Variants in ADAMTSL5 observed in about 807,000 individuals in gnomAD.
ADAMTSL5 encodes the protein ADAMTS-like protein 5.
Under a neutral mutation model 51.7 loss-of-function variants are expected in ADAMTSL5, and 53 were observed. The ratio of observed to expected loss-of-function variants is 1.03; its 90% CI spans 0.82 to 1.29. The LOEUF is 1.29. ADAMTSL5 is among the 50% of genes most tolerant of loss of function. The probability of loss-of-function intolerance (pLI) is 0.00; values close to 1 mark genes in which losing one functional copy is unlikely to be tolerated. For synonymous variants in ADAMTSL5, 285 were observed against 278.7 expected (o/e 1.02, Z -0.23); for missense variants, 770 against 676.2 (o/e 1.14, Z -1.54).
rs771422028 is a variant in ADAMTSL5 at position 1,506,371 on chromosome 19, C to T, written c.1115-55G>A. 4.4e-4 allele frequency: 669 copies of T among 1,526,576 alleles called. No homozygotes were observed. The highest frequency in any genetic ancestry group is 5.6e-4 in the Non-Finnish European group (637 of 1,135,540). The allele number at this position is 1,526,576 out of a possible 1,614,324, so 94.6% of individuals were successfully genotyped here. On this transcript the variant is annotated intron_variant, in intron 11 of 11. Transcript: ENST00000330475. This position sits in a 1 kb window ranked among gnomAD's most constrained non-coding sequence, Gnocchi z 5.6. ...CTGCTCAACTCTGCGCAAATCTCTA[C>T]GCCCCCTCCCTTGCCAGAAGAGGGA...
In ADAMTSL5 at chr19:1,508,108, C is replaced by T. The variant is rs750641685; in HGVS notation, c.491G>A (p.Ser164Asn). The T allele has an allele frequency of 2.5e-6, 4 of 1,607,912 alleles. No individual in the cohort carries two copies. The highest frequency in any genetic ancestry group is 1.7e-5 in the Admixed American group (1 of 59,396). The change falls in exon 7 of 12, where the codon AGC (serine) becomes AAC (asparagine). Residue 164 changes from serine (S) to asparagine (N), a missense_variant and splice_region_variant. Ser to Asn is a conservative substitution (Grantham distance 46). Coordinates refer to ENST00000330475, the MANE Select transcript of ADAMTSL5 (RefSeq NM_213604.3). ...QGVCVAGRCLSAGCDGLLGSG... is the reference protein window; with the variant it reads ...QGVCVAGRCLNAGCDGLLGSG... ...GCCCAACAACCCATCACAGCCGGCG[C>T]TCTAAAGGGTGAAGGACAGGCGCGG...
At chr19:1,507,514 C>T (rs765502867) in intron 8 of ADAMTSL5, 43 bp downstream of exon 8, 14 of 1,608,398 alleles carry the variant, frequency 8.7e-6, no homozygotes, top group Admixed American at 5.0e-5. Context: ...CAACCGCCCC[C>T]GGGTGCCCAG....
intron 8 of ADAMTSL5, 64 bp from the exon 9 acceptor site, chr19:1,507,469 C>T (rs955334146): frequency 6.2e-7 from 1 of 1,609,518 alleles, no homozygotes; most frequent in Non-Finnish European, 8.5e-7. Flanking sequence ...GGGGTCCCCT[C>T]CTCAGGCCTC....
rs774118858 is a variant in ADAMTSL5, at chr19:1,508,072, A to G, written c.527T>C (p.Leu176Pro). ...TCCGCAGCGGCCACAGCGGTCCTCGAGGGCACCCGAGCCCAACAACCCATC... is the reference window on the plus strand; with the variant it reads ...TCCGCAGCGGCCACAGCGGTCCTCGGGGGCACCCGAGCCCAACAACCCATC... ...GCDGLLGSGA[L>P]EDRCGRCGGA... is the part of the protein sequence containing the mutation. The change falls in exon 7 of 12, where the codon CTC becomes CCC. Residue 176 changes from leucine (L) to proline (P), a missense_variant. Coordinates refer to ENST00000330475, the MANE Select transcript of ADAMTSL5 (RefSeq NM_213604.3). The G allele has an allele frequency of 1.5e-5, 24 of 1,610,558 alleles. No homozygotes were observed. The East Asian group carries it at 5.4e-4, about 36-fold the overall frequency.
Position 1,510,836 on chromosome 19 carries a change from C to T in ADAMTSL5, c.99+9G>A, listed in dbSNP as rs757353472. 9 of 1,541,654 alleles carry T rather than the reference C, an allele frequency of 5.8e-6. No homozygotes were observed. The highest frequency in any genetic ancestry group is 7.8e-6 in the Non-Finnish European group (9 of 1,150,458). Reference sequence around the variant, plus strand: ...ACTCGCCACCCCCTGGGCTCATGCCCCCCCTTACCTGAGCACTGACCCCCA... The same window carrying T: ...ACTCGCCACCCCCTGGGCTCATGCCTCCCCTTACCTGAGCACTGACCCCCA... On this transcript the variant is annotated intron_variant, in intron 2 of 11. Coordinates refer to ENST00000330475, the MANE Select transcript of ADAMTSL5 (RefSeq NM_213604.3).
chr19:1,507,954 G>A (rs987311370), intron 7 of ADAMTSL5, 44 bp downstream of exon 7: 4 of 1,537,004 alleles, frequency 2.6e-6, no homozygotes, highest in Non-Finnish European at 3.5e-6. Context: ...TCGTTAAAGG[G>A]CCCACTCTGA....
At chr19:1,510,817 C>T (rs1913227624) in intron 2 of ADAMTSL5, 28 bp downstream of exon 2, 1 of 1,514,530 alleles carries the variant, frequency 6.6e-7, no homozygotes, top group Non-Finnish European at 8.8e-7. Context: ...TCCCACTCGC[C>T]ACCCCCTGGG....
intron 2 of ADAMTSL5, 39 bp from the exon 3 acceptor site, chr19:1,510,769 G>T: frequency 6.6e-7 from 1 of 1,520,346 alleles, no homozygotes; most frequent in Non-Finnish European, 8.8e-7. Flanking sequence ...CCTTGTAGGG[G>T]GACGCTGGTG....
At position 1,506,535 on chromosome 19, in the gene ADAMTSL5, CAGG is replaced by C. The variant is rs906911601; in HGVS notation, c.1114+52_1114+54del. 41 of 1,575,678 alleles carry C rather than the reference CAGG, an allele frequency of 2.6e-5. No individual in the cohort carries two copies. Among genetic ancestry groups the C allele is most frequent in the East Asian group, 4.5e-5 (2 of 44,012 alleles). The stretch of plus-strand genomic sequence containing the variant: ...GTAAAGTCAGATTAGGGTCAGAGGT[CAGG>C]AGGAGGCCAGGTTAGTAGGGGCTAA... On this transcript the variant is annotated intron_variant, in intron 11 of 11. Coordinates refer to ENST00000330475, the MANE Select transcript of ADAMTSL5 (RefSeq NM_213604.3). This position sits in a 1 kb window ranked among gnomAD's most constrained non-coding sequence, Gnocchi z 5.6.
In ADAMTSL5 at chr19:1,510,654, C is replaced by T; in HGVS notation, c.176G>A (p.Ser59Asn). ...CCCCGCTCACCGGAGGCAGCGCCGG[C>T]TGCGCACAGAGACGCCACGCCCGCA... ...SSCGRGVSVR[S>N]RRCLRLPGEE... Residue 59 changes from serine (S) to asparagine (N), a missense_variant, in exon 3 of 12, where the codon AGC (serine) becomes AAC (asparagine). By Grantham distance (46) the Ser-to-Asn change is conservative (BLOSUM62 1). Coordinates refer to ENST00000330475, the MANE Select transcript of ADAMTSL5 (RefSeq NM_213604.3). 1.3e-6 allele frequency: 2 copies of T among 1,538,242 alleles called. No individual in the cohort carries two copies. Among genetic ancestry groups the T allele is most frequent in the Non-Finnish European group, 1.8e-6 (2 of 1,141,312 alleles).
chr19:1,510,090 T>A (rs1345509746), intron 5 of ADAMTSL5, 60 bp downstream of exon 5: 2 of 1,372,526 alleles, frequency 1.5e-6, no homozygotes, highest in Non-Finnish European at 2.0e-6. Context: ...ACCCTCTCCC[T>A]GAGACTAATG....
At position 1,508,032 on chromosome 19, in the gene ADAMTSL5, C is replaced by CGCGCTGCACGAAAAG; in HGVS notation, c.566_567insCTTTTCGTGCAGCGC (p.Ser189_Cys190insPheSerCysSerAla). On this transcript the variant is annotated inframe_insertion, in exon 7 of 12. Transcript: ENST00000330475. ...GAAACACGCGCTGCACGAAAAGGCA[C>CGCGCTGCACGAAAAG]GAGTCGTTGGCGCCTCCGCAGCGGC... 6.2e-7 allele frequency: 1 copy of CGCGCTGCACGAAAAG among 1,607,708 alleles called. No individual in the cohort carries two copies. The highest frequency in any genetic ancestry group is 2.2e-5 in the East Asian group (1 of 44,656).
Position 1,506,622 on chromosome 19 carries a change from T to C in ADAMTSL5, c.1082A>G (p.His361Arg). The C allele has an allele frequency of 6.5e-7, 1 of 1,535,116 alleles. No homozygotes were observed. Among genetic ancestry groups the C allele is most frequent in the South Asian group, 1.1e-5 (1 of 89,166 alleles). Residue 361 changes from histidine (H) to arginine (R), a missense_variant, in exon 11 of 12, where the codon CAC (histidine) becomes CGC (arginine). Coordinates refer to ENST00000330475, the MANE Select transcript of ADAMTSL5 (RefSeq NM_213604.3). This position sits in a 1 kb window ranked among gnomAD's most constrained non-coding sequence, Gnocchi z 5.6. Reference sequence around the variant, plus strand: ...ACTGCCGCAATAGTGGAGTAGTCGGTGGGCGCGGCCGCGGGTGTCAGGGCA... The same window carrying C: ...ACTGCCGCAATAGTGGAGTAGTCGGCGGGCGCGGCCGCGGGTGTCAGGGCA... ...PPCPDTRGRAHRLLHYCGSDF... is the reference protein window; with the variant it reads ...PPCPDTRGRARRLLHYCGSDF...
At chr19:1,510,466 C>A (rs1347247446) in intron 3 of ADAMTSL5, 38 bp from the exon 4 acceptor site, 2 of 1,572,974 alleles carry the variant, frequency 1.3e-6, no homozygotes, top group Non-Finnish European at 8.6e-7. Flanking sequence ...CCCCCAGGGA[C>A]CCCCTCCCAG....
chr19:1,510,100 G>A, intron 5 of ADAMTSL5, 50 bp downstream of exon 5: 1 of 1,435,372 alleles, frequency 7.0e-7, no homozygotes, highest in Non-Finnish European at 9.6e-7. Context: ...TGAGACTAAT[G>A]AGTTGTTCGC....
Position 1,510,696 on chromosome 19 carries a change from G to A in ADAMTSL5, c.134C>T (p.Thr45Ile), listed in dbSNP as rs1487263544. 3.2e-6 allele frequency: 5 copies of A among 1,542,858 alleles called. No homozygotes were observed. Among genetic ancestry groups the A allele is most frequent in the African/African-American group, 1.4e-5 (1 of 72,266 alleles). Residue 45 changes from threonine to isoleucine, a missense_variant, in exon 3 of 12, where the codon ACC becomes ATC. Thr to Ile is a moderately conservative substitution (Grantham distance 89). Transcript: ENST00000330475. ...ACGCCCGCAGGAGCTGGAGCAGCGG[G>A]TCCAGGACACCCACGGGGTCCACTC... Reference protein sequence around the residue: ...PGEWTPWVSWTRCSSSCGRGV... With the variant: ...PGEWTPWVSWIRCSSSCGRGV...
At position 1,510,718 on chromosome 19, in the gene ADAMTSL5, A is replaced by C; in HGVS notation, c.112T>G (p.Trp38Gly). 1.9e-6 allele frequency: 3 copies of C among 1,538,574 alleles called. No individual in the cohort carries two copies. The highest frequency in any genetic ancestry group is 1.8e-6 in the Non-Finnish European group (2 of 1,140,450). ...CGGGTCCAGGACACCCACGGGGTCC[A>C]CTCGCCCGGACCCTACTTGGGGAGA... ...LGVSAQGPGE[W>G]TPWVSWTRCS... The change falls in exon 3 of 12, where the codon TGG (tryptophan) becomes GGG (glycine). Residue 38 changes from tryptophan to glycine, a missense_variant. Transcript: ENST00000330475.
intron 5 of ADAMTSL5, 150 bp from the exon 6 acceptor site, chr19:1,508,720 T>G: frequency 8.6e-7 from 1 of 1,160,596 alleles, no homozygotes; most frequent in Non-Finnish European, 1.2e-6. Flanking sequence ...GAGCCAGGAC[T>G]GGACCGTAGG....
At chr19:1,510,799 G>T (rs903441183) in intron 2 of ADAMTSL5, 46 bp downstream of exon 2, 45 of 1,515,268 alleles carry the variant, frequency 3.0e-5, no homozygotes, top group Non-Finnish European at 3.7e-5. Flanking sequence ...TGCTGACTGG[G>T]TCCCCATTCC....
Sources: gnomAD v4.1 joint callset for allele counts on GRCh38, gnomAD v4.1.1 for gene constraint, Gnocchi (gnomAD v3.1) non-coding constraint, MANE v1.5 for transcripts, NCBI Gene and HGNC (gene_info 2026-07-23, HGNC 2026-07-21) for gene names.